Variants in IQSEC1 observed in about 807,000 individuals in gnomAD.
IQSEC1 encodes IQ motif and Sec7 domain ArfGEF 1.
A neutral mutation model predicts 91.0 loss-of-function variants in IQSEC1; 31 were observed. That is an observed-to-expected ratio of 0.34 (90% CI 0.26 to 0.46). IQSEC1 has a LOEUF of 0.46. Among genes scored for constraint, IQSEC1 ranks in the 20% least tolerant of loss-of-function variants. IQSEC1 has a pLI of 1.00. For synonymous variants in IQSEC1, 699 were observed against 662.6 expected (o/e 1.05, Z -0.84); for missense variants, 1,388 against 1,575.6 (o/e 0.88, Z 2.02).
At chr3:13,077,683 C>T (rs1043412841), upstream of IQSEC1, among the ~76,000 whole-genome samples, 2 of 152,216 alleles carry the variant, frequency 1.3e-5, no homozygotes, top group Admixed American at 1.3e-4. Flanking sequence ...CCACCCCTCA[C>T]GTGCAGGTGG....
At position 12,935,889 on chromosome 3, in the gene IQSEC1, A is replaced by C; in HGVS notation, c.1127T>G (p.Val376Gly). ...LTIEPPSDSSVDLSDRSERGS... is the reference protein window; with the variant it reads ...LTIEPPSDSSGDLSDRSERGS... The stretch of plus-strand genomic sequence containing the variant: ...CCGCTCCGAGCGGTCACTAAGGTCC[A>C]CAGAGCTGTCGCTGGGTGGCTCGAT... Residue 376 changes from valine to glycine, a missense_variant, in exon 3 of 14, where the codon GTG (valine) becomes GGG (glycine). Around this residue, in one of 2 missense-constraint regions of IQSEC1, gnomAD observed 1,059 missense variants for 1,317.8 expected, o/e 0.80. Transcript: ENST00000613206. The surrounding 1 kb of genome is among the most constrained non-coding windows in gnomAD (Gnocchi z 8.0). The C allele has an allele frequency of 3.1e-6, 5 of 1,604,998 alleles. No homozygotes were observed. Among genetic ancestry groups the C allele is most frequent in the Non-Finnish European group, 3.4e-6 (4 of 1,179,796 alleles).
At chr3:13,246,216 T>TGAAC (rs1457831780) in intron 1 of IQSEC1, among the ~76,000 whole-genome samples, 1 of 152,146 alleles carries the variant, frequency 6.6e-6, no homozygotes, top group African/African-American at 2.4e-5. Flanking sequence ...GCCACATGGG[T>TGAAC]GAACCTTCAG....
intron 1 of IQSEC1, among the ~76,000 whole-genome samples, chr3:13,016,496 G>A (rs1033923282): frequency 1.3e-5 from 2 of 152,084 alleles, no homozygotes; most frequent in Admixed American, 6.6e-5. Context: ...TGGCTCTCCC[G>A]CCCCAGTCAA....
intron 1 of IQSEC1, among the ~76,000 whole-genome samples, chr3:13,243,392 G>T (rs2125105843): frequency 6.6e-6 from 1 of 152,264 alleles, no homozygotes; most frequent in Non-Finnish European, 1.5e-5. Flanking sequence ...GAGCCCTGCG[G>T]AGGCCCCAGG....
At chr3:12,964,700 A>T (rs1350733238) in intron 1 of IQSEC1, among the ~76,000 whole-genome samples, 2 of 152,160 alleles carry the variant, frequency 1.3e-5, no homozygotes, top group Non-Finnish European at 2.9e-5. Flanking sequence ...CTTGAAACAA[A>T]ATCTGTTTGC....
At chr3:13,202,287 C>T (rs1431296980) in intron 1 of IQSEC1, among the ~76,000 whole-genome samples, 2 of 152,330 alleles carry the variant, frequency 1.3e-5, no homozygotes, top group South Asian at 2.1e-4. Context: ...CATGATCCAG[C>T]AACCCCTCTT....
intron 1 of IQSEC1, among the ~76,000 whole-genome samples, chr3:13,171,315 T>A (rs1039355785): frequency 1.6e-4 from 25 of 152,192 alleles, no homozygotes; most frequent in Non-Finnish European, 2.8e-4. Context: ...AAAGGTTTTC[T>A]TCCTAAACGC....
At chr3:12,987,237 G>A (rs988015179) in intron 1 of IQSEC1, among the ~76,000 whole-genome samples, 5 of 152,232 alleles carry the variant, frequency 3.3e-5, no homozygotes, top group Admixed American at 1.3e-4. Context: ...AGGGCTGTCC[G>A]CCTTGCCCTC....
intron 1 of IQSEC1, among the ~76,000 whole-genome samples, chr3:12,962,399 A>G (rs1353761790): frequency 5.9e-5 from 9 of 152,280 alleles, no homozygotes; most frequent in African/African-American, 1.9e-4. Flanking sequence ...TCATGTTGGC[A>G]GACAGACTCT....
At chr3:13,181,380 T>C (rs11708021) in intron 1 of IQSEC1, among the ~76,000 whole-genome samples, 8,649 of 152,300 alleles carry the variant, frequency 0.057, 275 homozygotes, top group East Asian at 0.07. Context: ...TTCTCAGTAA[T>C]TGATGGAATA....
At chr3:12,919,487 G>T (rs1245621006) in intron 6 of IQSEC1, among the ~76,000 whole-genome samples, 1 of 152,204 alleles carries the variant, frequency 6.6e-6, no homozygotes, top group African/African-American at 2.4e-5. Flanking sequence ...GGCACCTGGA[G>T]ACCCCGGAGT....
chr3:12,899,222 A>ACACAGCCAGAGGGGGCT lies in IQSEC1; in HGVS notation c.*1744_*1760dup. On this transcript the variant is annotated 3_prime_UTR_variant, in exon 14 of 14. Coordinates refer to ENST00000613206, the MANE Select transcript of IQSEC1 (RefSeq NM_001134382.3). ...TGGCCAGCCAGCCAGCCAAGGTGAC[A>ACACAGCCAGAGGGGGCT]CACAGCCAGAGGGGGCTCCCCTCTC... 1 of 706,220 alleles carries ACACAGCCAGAGGGGGCT rather than the reference A, an allele frequency of 1.4e-6. No individual in the cohort carries two copies. Among genetic ancestry groups the ACACAGCCAGAGGGGGCT allele is most frequent in the Non-Finnish European group, 2.4e-6 (1 of 423,908 alleles). 43.7% of individuals were successfully genotyped at this position (706,220 alleles called of 1,614,324 possible).
At chr3:12,901,659 CT>C in intron 13 of IQSEC1, 137 bp from the exon 14 acceptor site, 1 of 751,678 alleles carries the variant, frequency 1.3e-6, no homozygotes, top group African/African-American at 1.8e-5. Context: ...GAGGGTGGGG[CT>C]CAGTGAGGCT....
In IQSEC1 at chr3:13,086,859, T is replaced by C. The variant is rs192693971; in HGVS notation, c.303-39337A>G. On this transcript the variant is annotated intron_variant, in intron 2 of 15. Transcript: ENST00000648114. ...CATTTACAGGCATCCTGTTTAATTG[T>C]TCTTTCTCAACATCTGTCTTCTCTC... Among the ~76,000 whole-genome samples the C allele has an allele frequency of 7.9e-5, 12 of 152,370 alleles. No homozygotes were observed. In the East Asian group the frequency reaches 2.1e-3, roughly 27 times the overall value.
intron 3 of IQSEC1, among the ~76,000 whole-genome samples, chr3:12,931,759 G>C (rs1206308624): frequency 6.6e-6 from 1 of 152,192 alleles, no homozygotes; most frequent in Non-Finnish European, 1.5e-5. Context: ...AGGTGGATGG[G>C]ACCCGAGGCT....
intron 2 of IQSEC1, among the ~76,000 whole-genome samples, chr3:13,142,204 CAG>C (rs1185614085): frequency 6.6e-6 from 1 of 152,234 alleles, no homozygotes; most frequent in Non-Finnish European, 1.5e-5. Flanking sequence ...TACAGTATGT[CAG>C]AGCGCAGCGG....
At chr3:13,077,717 G>A (rs1473965273), upstream of IQSEC1, among the ~76,000 whole-genome samples, 3 of 152,208 alleles carry the variant, frequency 2.0e-5, no homozygotes, top group Non-Finnish European at 4.4e-5. Context: ...GAAGCAGCCG[G>A]AAGCAATTAT....
chr3:13,237,282 G>A (rs1334704074), intron 1 of IQSEC1, among the ~76,000 whole-genome samples: 1 of 152,034 alleles, frequency 6.6e-6, no homozygotes, highest in East Asian at 1.9e-4. Flanking sequence ...TCACTGAGCT[G>A]ACAGCAGGGA....
At chr3:13,237,534 C>T (rs1255753963) in intron 1 of IQSEC1, among the ~76,000 whole-genome samples, 1 of 152,178 alleles carries the variant, frequency 6.6e-6, no homozygotes, top group East Asian at 1.9e-4. Context: ...TGAACCGGTG[C>T]AGGCCCCGGT....
Sources: gnomAD v4.1 joint callset for allele counts (sites outside exome capture counted in the v4.1 genomes callset) on GRCh38, gnomAD v4.1.1 for gene constraint, gnomAD v4.1.1 regional missense constraint, Gnocchi (gnomAD v3.1) non-coding constraint, MANE v1.5 for transcripts, NCBI Gene and HGNC (gene_info 2026-07-23, HGNC 2026-07-21) for gene names.